NUB1: variants seen among roughly 807,000 people sequenced by gnomAD.
NUB1 encodes the protein NEDD8 ultimate buster 1.
NUB1 carries 41 observed loss-of-function variants against 77.1 expected under a neutral mutation model. The ratio of observed to expected loss-of-function variants is 0.53; its 90% CI spans 0.41 to 0.69. The LOEUF (loss-of-function observed/expected upper bound fraction) is 0.69, where lower values mean the gene tolerates loss of function less well. NUB1 is among the 30% of genes least tolerant of loss of function. The probability of loss-of-function intolerance (pLI) is 0.00; values close to 1 mark genes in which losing one functional copy is unlikely to be tolerated. For synonymous variants in NUB1, 257 were observed against 281.0 expected, an observed-to-expected ratio of 0.91 and a Z score of 0.85; for missense variants, 643 against 743.8, an observed-to-expected ratio of 0.86 and a Z score of 1.58.
In NUB1 at chr7:151,374,131, A is replaced by G; in HGVS notation, c.1283A>G (p.Lys428Arg). ...LAQIRKEEKE[K>R]KRRRLENIRF... ...CAAATAAGGAAGGAGGAAAAAGAGA[A>G]GAAAAGACGCCGCCTCGAGAACATC... The change falls in exon 12 of 15, where the codon AAG becomes AGG. Residue 428 changes from lysine to arginine, a missense_variant. Physicochemically the swap from Lys to Arg is conservative, Grantham distance 26 (BLOSUM62 2). Transcript: ENST00000568733. 3 of 1,569,462 alleles carry G rather than the reference A, an allele frequency of 1.9e-6. 1 individual carries two copies. The highest frequency in any genetic ancestry group is 2.4e-5 in the South Asian group (2 of 85,066).
In NUB1 at chr7:151,378,123, A is replaced by G. The variant is rs953440456; in HGVS notation, c.*898A>G. On this transcript the variant is annotated 3_prime_UTR_variant, in exon 15 of 15. Transcript: ENST00000568733. ...ACAGAGGCTCTTTCTAAAAGTATGT[A>G]GTTCGCTGTGTGTCGGCTCCAGCAG... is the stretch of plus-strand genomic sequence containing the variant. 1.3e-5 allele frequency: 2 copies of G among 152,164 alleles called. No individual in the cohort carries two copies. The highest frequency in any genetic ancestry group is 4.8e-5 in the African/African-American group (2 of 41,412). 9.4% of individuals were successfully genotyped at this position (152,164 alleles called of 1,614,324 possible).
In NUB1 at chr7:151,376,831, G is replaced by A; in HGVS notation, c.1669+20G>A. On this transcript the variant is annotated intron_variant, in intron 14 of 14. Coordinates refer to ENST00000568733, the MANE Select transcript of NUB1 (RefSeq NM_001243351.2). ...CCGCAGGTAGGTCTGAGGTCTTTGAGGGCCGCATTGAGAGCAAAGTGTCTT... is the reference window on the plus strand; with the variant it reads ...CCGCAGGTAGGTCTGAGGTCTTTGAAGGCCGCATTGAGAGCAAAGTGTCTT... 6.4e-7 allele frequency: 1 copy of A among 1,558,132 alleles called. No individual in the cohort carries two copies. Among genetic ancestry groups the A allele is most frequent in the East Asian group, 2.4e-5 (1 of 42,066 alleles).
chr7:151,349,505 T>C (rs1383988519), intron 3 of NUB1, among the ~76,000 whole-genome samples: 1 of 152,210 alleles, frequency 6.6e-6, no homozygotes, highest in Non-Finnish European at 1.5e-5. Flanking sequence ...CGTGTGAACG[T>C]TGAGAAATAA....
Position 151,356,169 on chromosome 7 carries a change from G to A in NUB1, c.640G>A (p.Asp214Asn), listed in dbSNP as rs1797055235. ...GGATCCAGAAATGACACCGTACTTAGACATAGCTAACCAGACAGGCAGATC... is the reference window on the plus strand; with the variant it reads ...GGATCCAGAAATGACACCGTACTTAAACATAGCTAACCAGACAGGCAGATC... ...VVDPEMTPYL[D>N]IANQTGRSIR... Residue 214 changes from aspartate to asparagine, a missense_variant, in exon 7 of 15, where the codon GAC (aspartate) becomes AAC (asparagine). Transcript: ENST00000568733. 6.2e-7 allele frequency: 1 copy of A among 1,613,964 alleles called. No individual in the cohort carries two copies. Among genetic ancestry groups the A allele is most frequent in the Non-Finnish European group, 8.5e-7 (1 of 1,179,856 alleles).
At chr7:151,376,961 G>C (rs916667203) in intron 14 of NUB1, 86 bp from the exon 15 acceptor site, 87 of 1,406,616 alleles carry the variant, frequency 6.2e-5, no homozygotes, top group Admixed American at 1.8e-4. Context: ...CCAGCAAGAG[G>C]CACAGTCTGA....
intron 5 of NUB1, among the ~76,000 whole-genome samples, chr7:151,355,226 G>T (rs1443762547): frequency 6.6e-6 from 1 of 152,154 alleles, no homozygotes; most frequent in Non-Finnish European, 1.5e-5. Flanking sequence ...GCTTTGATCT[G>T]GTCTTAGGCT....
chr7:151,354,806 G>A (rs1027364349), intron 5 of NUB1, among the ~76,000 whole-genome samples: 2 of 152,128 alleles, frequency 1.3e-5, no homozygotes, highest in Non-Finnish European at 2.9e-5. Context: ...TGTGGTGTGC[G>A]ATTGCAGCTC....
At chr7:151,347,531 C>T (rs1418375363) in intron 2 of NUB1, among the ~76,000 whole-genome samples, 1 of 152,064 alleles carries the variant, frequency 6.6e-6, no homozygotes, top group Non-Finnish European at 1.5e-5. Context: ...GGCCATAGTT[C>T]ATTGCAGCCT....
In NUB1 at chr7:151,377,343, G is replaced by T; in HGVS notation, c.*118G>T. 3 of 685,454 alleles carry T rather than the reference G, an allele frequency of 4.4e-6. No homozygotes were observed. The highest frequency in any genetic ancestry group is 1.8e-5 in the African/African-American group (1 of 54,408). 42.5% of individuals were successfully genotyped at this position (685,454 alleles called of 1,614,324 possible). On this transcript the variant is annotated 3_prime_UTR_variant, in exon 15 of 15. Coordinates refer to ENST00000568733, the MANE Select transcript of NUB1 (RefSeq NM_001243351.2). The stretch of plus-strand genomic sequence containing the variant: ...AATTACAAGTCCTCTTTGGGTGTAG[G>T]AGGGGGTGGGCAGGGGACAAGTCCA...
At chr7:151,352,341 A>G in intron 4 of NUB1, 1 of 326,172 alleles carries the variant, frequency 3.1e-6, no homozygotes, top group Non-Finnish European at 6.1e-6. Context: ...ATAGCCGTCT[A>G]GTAAGATGGC....
intron 2 of NUB1, among the ~76,000 whole-genome samples, chr7:151,345,847 A>G (rs1481348477): frequency 2.0e-5 from 3 of 152,114 alleles, no homozygotes; most frequent in Non-Finnish European, 2.9e-5. Context: ...CTGTGAAACA[A>G]TTGCTCCTTT....
intron 2 of NUB1, 119 bp from the exon 3 acceptor site, chr7:151,348,954 G>A: frequency 2.4e-6 from 2 of 820,276 alleles, no homozygotes; most frequent in Non-Finnish European, 4.0e-6. Flanking sequence ...GTGGACTGCA[G>A]TGTAACGGGG....
At chr7:151,376,607 T>A in intron 13 of NUB1, 27 bp from the exon 14 acceptor site, 1 of 1,574,578 alleles carries the variant, frequency 6.4e-7, no homozygotes, top group Non-Finnish European at 8.7e-7. Flanking sequence ...CAGGGGCTGA[T>A]GCTGTGACCC....
intron 2 of NUB1, among the ~76,000 whole-genome samples, chr7:151,345,717 T>G (rs1481891643): frequency 6.6e-6 from 1 of 152,238 alleles, no homozygotes; most frequent in Non-Finnish European, 1.5e-5. Flanking sequence ...TAACATTATT[T>G]ATCTGGAACT....
At chr7:151,342,035 A>T in intron 1 of NUB1, 189 bp downstream of exon 1, 1 of 1,111,260 alleles carries the variant, frequency 9.0e-7, no homozygotes, top group South Asian at 2.8e-5. Flanking sequence ...GGGCTTCGGG[A>T]CGCGCTGGCC....
intron 11 of NUB1, among the ~76,000 whole-genome samples, chr7:151,372,124 C>T (rs1797986523): frequency 2.0e-5 from 3 of 152,208 alleles, no homozygotes; most frequent in East Asian, 1.9e-4. Context: ...GATCATGCTT[C>T]GGCATGGCCA....
intron 12 of NUB1, among the ~76,000 whole-genome samples, chr7:151,374,878 C>T (rs537999532): frequency 1.2e-4 from 18 of 152,288 alleles, no homozygotes; most frequent in African/African-American, 3.8e-4. Context: ...TCAGAGCACA[C>T]GTGGTGAGGG....
At chr7:151,347,324 C>T (rs1034456808) in intron 2 of NUB1, among the ~76,000 whole-genome samples, 5 of 152,024 alleles carry the variant, frequency 3.3e-5, no homozygotes, top group African/African-American at 9.7e-5. Flanking sequence ...ATCACTTGAA[C>T]CCGGGAGTTG....
chr7:151,370,607 T>A (rs1404263733), intron 11 of NUB1, among the ~76,000 whole-genome samples: 1 of 152,112 alleles, frequency 6.6e-6, no homozygotes. Flanking sequence ...GTTAGTTACA[T>A]ATGTATACAT....
Sources: allele counts gnomAD v4.1 joint callset (sites outside exome capture counted in the v4.1 genomes callset), GRCh38; gene constraint gnomAD v4.1.1; transcripts MANE v1.5; gene names NCBI Gene and HGNC (gene_info 2026-07-23, HGNC 2026-07-21).